The following SEMA3F variants were observed in gnomAD, a reference collection of about 807,000 sequenced individuals.
SEMA3F encodes semaphorin-3F.
Under a neutral mutation model 98.5 loss-of-function variants are expected in SEMA3F, and 30 were observed. That is an observed-to-expected ratio of 0.30 (90% CI 0.23 to 0.41). The LOEUF (loss-of-function observed/expected upper bound fraction) is 0.41, where lower values mean the gene tolerates loss of function less well. SEMA3F is among the 10% of genes least tolerant of loss of function. SEMA3F has a pLI of 1.00. For synonymous variants in SEMA3F, 380 were observed against 444.8 expected (o/e 0.85, Z 1.83); for missense variants, 866 against 1,119.3 (o/e 0.77, Z 3.23).
At chr3:50,162,223 AG>A (rs1030132833) in intron 2 of SEMA3F, among the ~76,000 whole-genome samples, 1 of 152,176 alleles carries the variant, frequency 6.6e-6, no homozygotes, top group Non-Finnish European at 1.5e-5. Flanking sequence ...CACACTGCCC[AG>A]GGTAGATAAA....
At chr3:50,185,750 G>A in intron 15 of SEMA3F, 43 bp downstream of exon 15, 4 of 1,612,486 alleles carry the variant, frequency 2.5e-6, no homozygotes, top group Non-Finnish European at 3.4e-6. Context: ...GACAGGGCCT[G>A]CATCCCCTCA....
chr3:50,174,037 C>G lies in SEMA3F; in HGVS notation c.274-15C>G. The G allele has an allele frequency of 6.2e-7, 1 of 1,614,004 alleles. No individual in the cohort carries two copies. Among genetic ancestry groups the G allele is most frequent in the Non-Finnish European group, 8.5e-7 (1 of 1,179,970 alleles). ...ATGTCCAGAAGGCTGCACCTTCTGA[C>G]CCCCCTCTCTGCAGATACACTGGGC... On this transcript the variant is annotated splice_polypyrimidine_tract_variant and intron_variant, in intron 3 of 18. Transcript: ENST00000002829.
chr3:50,177,724 T>G (rs1367290688), intron 7 of SEMA3F, among the ~76,000 whole-genome samples: 1 of 152,188 alleles, frequency 6.6e-6, no homozygotes, highest in Non-Finnish European at 1.5e-5. Context: ...TAAAGACAAC[T>G]ATTATTAAAA....
intron 7 of SEMA3F, among the ~76,000 whole-genome samples, chr3:50,180,253 TC>T (rs764252444): frequency 5.3e-5 from 8 of 152,090 alleles, no homozygotes; most frequent in Non-Finnish European, 1.0e-4. Context: ...GACTCCCTGC[TC>T]CCCGGTTCAA....
At chr3:50,174,380 G>A (rs1258431857) in intron 5 of SEMA3F, 30 bp downstream of exon 5, 2 of 1,590,690 alleles carry the variant, frequency 1.3e-6, no homozygotes, top group Non-Finnish European at 1.7e-6. Context: ...GCCCTGTGCT[G>A]CCCCCGCTGG....
intron 7 of SEMA3F, 43 bp downstream of exon 7, chr3:50,176,904 C>T (rs936069389): frequency 6.7e-7 from 1 of 1,495,816 alleles, no homozygotes; most frequent in African/African-American, 1.4e-5. Flanking sequence ...AATGTGTGGC[C>T]TCTGCCCCTG....
At chr3:50,163,307 G>A (rs1031584555) in intron 2 of SEMA3F, among the ~76,000 whole-genome samples, 1 of 152,194 alleles carries the variant, frequency 6.6e-6, no homozygotes, top group Non-Finnish European at 1.5e-5. Flanking sequence ...TATAAATCCG[G>A]CCCTCCATCA....
Position 50,175,167 on chromosome 3 carries a change from G to A in SEMA3F, c.528G>A (p.Pro176=), listed in dbSNP as rs770357534. Residue 176 remains proline, a synonymous_variant, in exon 6 of 19, where the codon CCG becomes CCA. Coordinates refer to ENST00000002829, the MANE Select transcript of SEMA3F (RefSeq NM_004186.5). ...GAGCCACGGATGGTGCCCTCCGCCCGATGCCCACAGCCCCACGCCAGGTGG... is the reference window on the plus strand; with the variant it reads ...GAGCCACGGATGGTGCCCTCCGCCCAATGCCCACAGCCCCACGCCAGGTGG... ...GSRATDGALR[P]MPTAPRQDYI... 9 of 1,603,086 alleles carry A rather than the reference G, an allele frequency of 5.6e-6. No individual in the cohort carries two copies. The highest frequency in any genetic ancestry group is 2.3e-5 in the East Asian group (1 of 44,328).
chr3:50,171,107 G>T (rs1296296582), intron 2 of SEMA3F, among the ~76,000 whole-genome samples: 1 of 152,152 alleles, frequency 6.6e-6, no homozygotes, highest in African/African-American at 2.4e-5. Flanking sequence ...AGGGCTTTGT[G>T]CACAGCGGGT....
intron 1 of SEMA3F, 109 bp from the exon 2 acceptor site, chr3:50,159,466 G>T: frequency 1.7e-6 from 1 of 581,522 alleles, no homozygotes; most frequent in Non-Finnish European, 3.0e-6. Context: ...CATGGCCCCA[G>T]GCTGGGGGTG....
chr3:50,188,174 G>GATAT lies in SEMA3F; in HGVS notation c.*81_*84dup, dbSNP rs59949761. ...AGCCCTTGTCCCTTTTAATATAAAA[G>GATAT]ATATATATATATATATATATATATA... On this transcript the variant is annotated 3_prime_UTR_variant, in exon 19 of 19. Coordinates refer to ENST00000002829, the MANE Select transcript of SEMA3F (RefSeq NM_004186.5). This position sits in a 1 kb window ranked among gnomAD's most constrained non-coding sequence, Gnocchi z 4.5. The GATAT allele has an allele frequency of 0.11, 33,445 of 295,568 alleles. 1,315 individuals are homozygous for GATAT. Among genetic ancestry groups the GATAT allele is most frequent in the East Asian group, 0.29 (3,806 of 13,348 alleles). 18.3% of individuals were successfully genotyped at this position (295,568 alleles called of 1,614,324 possible).
chr3:50,155,210 A>G, upstream of SEMA3F: 1 of 342,748 alleles, frequency 2.9e-6, no homozygotes. The surrounding 1 kb of genome is among the most constrained non-coding windows in gnomAD (Gnocchi z 4.9). Context: ...CAGCCAGGAG[A>G]GCGCAGCGCT....
chr3:50,183,756 A>T (rs1344466229), intron 12 of SEMA3F, 192 bp downstream of exon 12: 2 of 645,734 alleles, frequency 3.1e-6, no homozygotes, highest in Non-Finnish European at 5.2e-6. Context: ...ATTCTGGGAC[A>T]AAGATGGTGG....
intron 2 of SEMA3F, chr3:50,173,215 T>C: frequency 6.4e-6 from 1 of 155,142 alleles, no homozygotes; most frequent in Non-Finnish European, 1.4e-5. Context: ...GGCTCATGCC[T>C]GTAATCCCAG....
Position 50,188,092 on chromosome 3 carries a change from C to T in SEMA3F, c.2335C>T (p.Arg779Trp), listed in dbSNP as rs773078256. 11 of 1,541,400 alleles carry T rather than the reference C, an allele frequency of 7.1e-6. No individual in the cohort carries two copies. The highest frequency in any genetic ancestry group is 3.8e-5 in the Admixed American group (2 of 52,504). ...GGACCAGAAAAAGCCCCGGAACCGC[C>T]GGCACCACCCTCCGGACACATGAGG... ...PQDQKKPRNR[R>W]HHPPDT is the part of the protein sequence containing the mutation. Residue 779 changes from arginine to tryptophan, a missense_variant, in exon 19 of 19, where the codon CGG becomes TGG. Physicochemically the swap from Arg to Trp is moderately radical, Grantham distance 101 (BLOSUM62 -3). Transcript: ENST00000002829. This position sits in a 1 kb window ranked among gnomAD's most constrained non-coding sequence, Gnocchi z 4.5.
intron 2 of SEMA3F, among the ~76,000 whole-genome samples, chr3:50,167,619 C>T (rs946490774): frequency 7.5e-6 from 1 of 132,934 alleles, no homozygotes; most frequent in African/African-American, 2.8e-5. Context: ...GGCGTTTTGG[C>T]CCAGCTGGGC....
In SEMA3F at chr3:50,174,334, G is replaced by A. The variant is rs756396183; in HGVS notation, c.440G>A (p.Arg147His). ...AYNPMCTYVN[R>H]GRRAQATPWT... ...AACCCCATGTGCACCTATGTGAACC[G>A]CGGACGCCGCGCCCAGGTAAGCCCC... is the stretch of plus-strand genomic sequence containing the variant. The change falls in exon 5 of 19, where the codon CGC becomes CAC. Residue 147 changes from arginine (R) to histidine (H), a missense_variant. Arg to His is a conservative substitution (Grantham distance 29, BLOSUM62 0). Around this residue, in one of 3 missense-constraint regions of SEMA3F, gnomAD observed 247 missense variants for 276.0 expected, o/e 0.89. Transcript: ENST00000002829. 8 of 1,612,214 alleles carry A rather than the reference G, an allele frequency of 5.0e-6. No individual in the cohort carries two copies. The highest frequency in any genetic ancestry group is 1.1e-5 in the South Asian group (1 of 91,012).
At position 50,175,199 on chromosome 3, in the gene SEMA3F, T is replaced by TC; in HGVS notation, c.549+14dup. ...ACAGCCCCACGCCAGGTGGGCCTCA[T>TC]CCCTCCAGGCCTTTGCCAGGCAGCA... On this transcript the variant is annotated intron_variant, in intron 6 of 18. Transcript: ENST00000002829. 3 of 1,558,800 alleles carry TC rather than the reference T, an allele frequency of 1.9e-6. No homozygotes were observed. The highest frequency in any genetic ancestry group is 2.6e-6 in the Non-Finnish European group (3 of 1,142,212).
At chr3:50,176,971 C>T (rs987795980) in intron 7 of SEMA3F, 110 bp downstream of exon 7, 2 of 881,866 alleles carry the variant, frequency 2.3e-6, no homozygotes, top group African/African-American at 1.6e-5. Context: ...CTAGGCTGTC[C>T]CTGAACTCCC....
Sources: gnomAD v4.1 joint callset for allele counts (sites outside exome capture counted in the v4.1 genomes callset) on GRCh38, gnomAD v4.1.1 for gene constraint, gnomAD v4.1.1 regional missense constraint, Gnocchi (gnomAD v3.1) non-coding constraint, MANE v1.5 for transcripts, NCBI Gene and HGNC (gene_info 2026-07-23, HGNC 2026-07-21) for gene names.